ZMYM2: variants seen among roughly 807,000 people sequenced by gnomAD.
ZMYM2 encodes zinc finger MYM-type protein 2.
In ZMYM2, 56 loss-of-function variants were observed where a neutral mutation model predicts 162.8. The observed-to-expected ratio is 0.34, with a 90% CI of 0.28 to 0.43. The LOEUF is 0.43. ZMYM2 is among the 20% of genes least tolerant of loss of function. The pLI, the probability that ZMYM2 is intolerant of heterozygous loss-of-function variation, is 1.00. For missense variants in ZMYM2, 1,275 were observed against 1,621.8 expected (o/e 0.79, Z 3.67); for synonymous variants, 510 against 541.6 (o/e 0.94, Z 0.81).
the ZMYM2 span, among the ~76,000 whole-genome samples, chr13:19,922,513 T>C: frequency 6.6e-6 from 1 of 152,186 alleles, no homozygotes; most frequent in East Asian, 1.9e-4. Context: ...TAAGAGCTCT[T>C]TTCTCAATCA....
At chr13:20,074,434 C>T (rs1957335788) in intron 21 of ZMYM2, among the ~76,000 whole-genome samples, 1 of 152,056 alleles carries the variant, frequency 6.6e-6, no homozygotes, top group Non-Finnish European at 1.5e-5. Context: ...TGGGGTTTCG[C>T]CATGTTGACC....
chr13:20,058,990 C>T (rs954810236), intron 15 of ZMYM2: 1 of 478,592 alleles, frequency 2.1e-6, no homozygotes, highest in Non-Finnish European at 3.8e-6. Context: ...AATTATAATG[C>T]TTCCTCTGAG....
At chr13:19,884,634 T>C in the ZMYM2 span, among the ~76,000 whole-genome samples, 384 of 152,228 alleles carry the variant, frequency 2.5e-3, 1 homozygote, top group African/African-American at 8.6e-3. Context: ...AGGTGACACG[T>C]ACTTAGTTTG....
At chr13:20,041,318 C>T (rs1026081897) in intron 12 of ZMYM2, among the ~76,000 whole-genome samples, 8 of 152,064 alleles carry the variant, frequency 5.3e-5, no homozygotes, top group Admixed American at 5.2e-4. Context: ...ATGTAATGAC[C>T]TTCTTTGTCT....
chr13:19,918,744 C>A, the ZMYM2 span, among the ~76,000 whole-genome samples: 1 of 151,868 alleles, frequency 6.6e-6, no homozygotes, highest in East Asian at 2.0e-4. Flanking sequence ...GGTGATACAC[C>A]CACCTCGGCC....
At chr13:19,948,697 T>G in the ZMYM2 span, among the ~76,000 whole-genome samples, 1 of 152,130 alleles carries the variant, frequency 6.6e-6, no homozygotes, top group African/African-American at 2.4e-5. Context: ...GTAATAATAA[T>G]GTGTTCATAT....
At chr13:19,886,837 T>A in the ZMYM2 span, among the ~76,000 whole-genome samples, 1,840 of 151,608 alleles carry the variant, frequency 0.012, 58 homozygotes, top group African/African-American at 0.041. Flanking sequence ...AATTTTTAAT[T>A]TTTAATAGAG....
chr13:20,031,931 C>T (rs912616373), intron 10 of ZMYM2, among the ~76,000 whole-genome samples: 6 of 139,846 alleles, frequency 4.3e-5, no homozygotes, highest in African/African-American at 1.6e-4. Context: ...AGTGCAGTGG[C>T]ACGATCTCGG....
intron 6 of ZMYM2, among the ~76,000 whole-genome samples, chr13:20,012,466 C>T (rs9509002): frequency 0.86 from 131,030 of 152,132 alleles, 57,780 homozygotes; most frequent in East Asian, 0.99. Flanking sequence ...AGGTGTGAGC[C>T]ACCACGCCCA....
intron 6 of ZMYM2, among the ~76,000 whole-genome samples, chr13:20,011,413 T>C (rs985117862): frequency 2.0e-5 from 3 of 152,214 alleles, no homozygotes; most frequent in African/African-American, 7.2e-5. Flanking sequence ...TTGAGCATCA[T>C]GTTGGTAATT....
intron 3 of ZMYM2, among the ~76,000 whole-genome samples, chr13:19,997,214 C>A (rs1404046388): frequency 6.6e-6 from 1 of 152,170 alleles, no homozygotes; most frequent in Non-Finnish European, 1.5e-5. Context: ...GTTTTAATGG[C>A]TACACAATGG....
chr13:20,058,106 T>C (rs1955947407), intron 14 of ZMYM2, among the ~76,000 whole-genome samples: 1 of 152,208 alleles, frequency 6.6e-6, no homozygotes, highest in Admixed American at 6.5e-5. Flanking sequence ...AGGATATCTT[T>C]GGTAATTGTT....
chr13:19,868,721 TC>T, the ZMYM2 span, among the ~76,000 whole-genome samples: 17 of 152,170 alleles, frequency 1.1e-4, no homozygotes, highest in African/African-American at 4.1e-4. Context: ...TGCCAAATAG[TC>T]CAGTTCTCAA....
At chr13:19,871,717 A>G in the ZMYM2 span, among the ~76,000 whole-genome samples, 1 of 152,224 alleles carries the variant, frequency 6.6e-6, no homozygotes, top group Non-Finnish European at 1.5e-5. Flanking sequence ...AATGTAAAAA[A>G]TTGATCTGCA....
At chr13:19,920,891 T>C in the ZMYM2 span, among the ~76,000 whole-genome samples, 1 of 151,662 alleles carries the variant, frequency 6.6e-6, no homozygotes, top group African/African-American at 2.4e-5. Context: ...GCCTCCCGAG[T>C]AGCTGGGATT....
intron 6 of ZMYM2, among the ~76,000 whole-genome samples, chr13:20,013,807 A>G (rs1454853464): frequency 5.9e-5 from 9 of 152,074 alleles, no homozygotes; most frequent in Non-Finnish European, 1.2e-4. Flanking sequence ...TAATCCTTTT[A>G]ATATATTGAA....
intron 12 of ZMYM2, among the ~76,000 whole-genome samples, chr13:20,042,843 C>T (rs1179574640): frequency 1.3e-5 from 2 of 152,112 alleles, no homozygotes; most frequent in African/African-American, 4.8e-5. Context: ...CCTGCCTCAG[C>T]TTCCTGAGTA....
Position 19,970,367 on chromosome 13 carries a change from A to G in ZMYM2, c.-11+10341A>G, listed in dbSNP as rs570274397. Among the ~76,000 whole-genome samples the G allele has an allele frequency of 1.1e-4, 16 of 152,340 alleles. No homozygotes were observed. In the South Asian group the frequency reaches 3.3e-3, roughly 32 times the overall value. ...TTTCATTAGGGACTAAAATCAGGTC[A>G]TGTTACTAACTGTAATTACGCAGAT... On this transcript the variant is annotated intron_variant, in intron 2 of 24. Coordinates refer to ENST00000610343, the MANE Select transcript of ZMYM2 (RefSeq NM_197968.4).
rs796600388 is a variant in ZMYM2, at chr13:19,966,443, A to G, written c.-11+6417A>G. Among the ~76,000 whole-genome samples, 7 of 137,604 alleles carry G rather than the reference A, an allele frequency of 5.1e-5. No individual in the cohort carries two copies. The South Asian group carries it at 1.4e-3, about 27-fold the overall frequency. The allele number at this position is 137,604 out of a possible 152,430, so 90.3% of individuals were successfully genotyped here. ...ACCACTGCACCAGGCCTGAATTCTTATATGTCTATAATTCTTTTTTTTTTT... is the reference window on the plus strand; with the variant it reads ...ACCACTGCACCAGGCCTGAATTCTTGTATGTCTATAATTCTTTTTTTTTTT... On this transcript the variant is annotated intron_variant, in intron 2 of 24. Transcript: ENST00000610343.
Sources: allele counts gnomAD v4.1 joint callset (sites outside exome capture counted in the v4.1 genomes callset), GRCh38; gene constraint gnomAD v4.1.1; transcripts MANE v1.5; gene names NCBI Gene and HGNC (gene_info 2026-07-23, HGNC 2026-07-21).